LDLRAD4: variants seen among roughly 807,000 people sequenced by gnomAD.
LDLRAD4 encodes low-density lipoprotein receptor class A domain-containing protein 4.
A neutral mutation model predicts 17.0 loss-of-function variants in LDLRAD4; 5 were observed. That is an observed-to-expected ratio of 0.29 (90% CI 0.15 to 0.62). The LOEUF (loss-of-function observed/expected upper bound fraction) is 0.62. Ranked by LOEUF, LDLRAD4 falls within the 20% of genes least tolerant of loss-of-function variation. The pLI, the probability that LDLRAD4 is intolerant of heterozygous loss-of-function variation, is 0.84. For missense variants in LDLRAD4, 340 were observed against 424.7 expected (o/e 0.80, Z 1.75); for synonymous variants, 168 against 171.8 (o/e 0.98, Z 0.17).
intron 3 of LDLRAD4, among the ~76,000 whole-genome samples, chr18:13,594,948 T>G (rs559768247): frequency 6.6e-6 from 1 of 152,262 alleles, no homozygotes; most frequent in Admixed American, 6.5e-5. Context: ...TTGTTATTTC[T>G]TCTTGATTTA....
chr18:13,240,916 TTTTTCTTTTC>T (rs796209182), intron 1 of LDLRAD4: 3 of 152,582 alleles, frequency 2.0e-5, no homozygotes, highest in Non-Finnish European at 4.4e-5. Flanking sequence ...GCGGGCTTTT[TTTTTCTTTTC>T]TTTTCTTTTC....
At chr18:13,333,065 C>G (rs1197306424) in intron 1 of LDLRAD4, among the ~76,000 whole-genome samples, 1 of 152,136 alleles carries the variant, frequency 6.6e-6, no homozygotes, top group Non-Finnish European at 1.5e-5. Flanking sequence ...GCCCTACATC[C>G]TTGCCAGCTT....
intron 2 of LDLRAD4, among the ~76,000 whole-genome samples, chr18:13,428,421 C>G (rs1242152634): frequency 6.6e-6 from 1 of 152,046 alleles, no homozygotes; most frequent in Non-Finnish European, 1.5e-5. Context: ...CTCGGGAGGG[C>G]AAGGGGAGGC....
At chr18:13,453,033 T>C (rs984461068) in intron 3 of LDLRAD4, among the ~76,000 whole-genome samples, 3 of 152,166 alleles carry the variant, frequency 2.0e-5, no homozygotes, top group African/African-American at 7.2e-5. Context: ...CTGCTCAGCA[T>C]GGGGAGCACC....
chr18:13,327,054 A>G (rs1192953475), intron 1 of LDLRAD4, among the ~76,000 whole-genome samples: 1 of 150,798 alleles, frequency 6.6e-6, no homozygotes, highest in Non-Finnish European at 1.5e-5. Context: ...TGCTTTGGGA[A>G]CCCTCCTCTT....
chr18:13,364,065 A>G (rs1044768904), intron 1 of LDLRAD4, among the ~76,000 whole-genome samples: 13 of 152,220 alleles, frequency 8.5e-5, no homozygotes, highest in African/African-American at 2.9e-4. Flanking sequence ...AAGAATAAAT[A>G]TAATTAGCAT....
chr18:13,602,594 G>A (rs2095177339), intron 3 of LDLRAD4, among the ~76,000 whole-genome samples: 1 of 147,892 alleles, frequency 6.8e-6, no homozygotes, highest in African/African-American at 2.5e-5. Flanking sequence ...CGCCTCCCGG[G>A]TTCAAGGAAT....
At chr18:13,598,244 A>G (rs955512735) in intron 3 of LDLRAD4, among the ~76,000 whole-genome samples, 2 of 152,170 alleles carry the variant, frequency 1.3e-5, no homozygotes, top group Non-Finnish European at 1.5e-5. Flanking sequence ...TTTCCTTGCA[A>G]TGTGAAGCCT....
intron 1 of LDLRAD4, among the ~76,000 whole-genome samples, chr18:13,310,423 T>A (rs2146719917): frequency 6.6e-6 from 1 of 151,998 alleles, no homozygotes; most frequent in East Asian, 1.9e-4. Flanking sequence ...TAGGACCATG[T>A]GTAGCATGGT....
At position 13,231,180 on chromosome 18, in the gene LDLRAD4, A is replaced by G. The variant is rs1331549013; in HGVS notation, c.-467+12192A>G. Among the ~76,000 whole-genome samples, 3 of 152,204 alleles carry G rather than the reference A, an allele frequency of 2.0e-5. 1 individual carries two copies. The highest frequency in any genetic ancestry group is 2.9e-5 in the Non-Finnish European group (2 of 68,014). On this transcript the variant is annotated intron_variant, in intron 1 of 5. Transcript: ENST00000399848. ...CGAGTTCAGAGGCGTATAGATGTCT[A>G]TGGGTGAGGCAAAAGGCAGGTGGTA...
chr18:13,633,446 C>T (rs541240537), intron 4 of LDLRAD4, among the ~76,000 whole-genome samples: 22 of 152,318 alleles, frequency 1.4e-4, no homozygotes, highest in Admixed American at 1.0e-3. Flanking sequence ...GTCATGTACA[C>T]GGTGCCCAGG....
intron 2 of LDLRAD4, among the ~76,000 whole-genome samples, chr18:13,402,744 C>T (rs1037708325): frequency 1.3e-5 from 2 of 152,146 alleles, no homozygotes; most frequent in Admixed American, 1.3e-4. Flanking sequence ...CATTCAAATT[C>T]CAAATTGCGA....
chr18:13,648,509 T>C (rs923610129), exon 6 of LDLRAD4: 1 of 152,226 alleles, frequency 6.6e-6, no homozygotes, highest in African/African-American at 2.4e-5. Context: ...GATCAGTAGC[T>C]CTTTTGAAGG....
intron 1 of LDLRAD4, among the ~76,000 whole-genome samples, chr18:13,364,351 T>A (rs909441406): frequency 1.3e-5 from 2 of 152,136 alleles, no homozygotes; most frequent in African/African-American, 4.8e-5. Flanking sequence ...GATTTTTTTT[T>A]AAAAGAGACA....
At chr18:13,450,840 C>T (rs1057505269) in intron 3 of LDLRAD4, among the ~76,000 whole-genome samples, 27 of 152,248 alleles carry the variant, frequency 1.8e-4, no homozygotes, top group African/African-American at 6.0e-4. Flanking sequence ...GGGGAGACGC[C>T]TGGGCAGGGA....
intron 1 of LDLRAD4, among the ~76,000 whole-genome samples, chr18:13,344,264 G>A (rs1047446154): frequency 1.3e-5 from 2 of 152,168 alleles, no homozygotes; most frequent in African/African-American, 4.8e-5. Context: ...TTTGTATAAG[G>A]TGTAAGGAAG....
At chr18:13,499,026 TGC>T (rs2093553850) in intron 3 of LDLRAD4, among the ~76,000 whole-genome samples, 5 of 85,260 alleles carry the variant, frequency 5.9e-5, no homozygotes, top group South Asian at 4.4e-4. Flanking sequence ...GAATCCTTCT[TGC>T]CACACACGTC....
chr18:13,581,883 G>C (rs1248272883), intron 3 of LDLRAD4, among the ~76,000 whole-genome samples: 1 of 152,164 alleles, frequency 6.6e-6, no homozygotes, highest in Non-Finnish European at 1.5e-5. Context: ...ACACACGTAT[G>C]TGTGTGCATG....
Position 13,476,952 on chromosome 18 carries a change from C to A in LDLRAD4, c.181+38568C>A, listed in dbSNP as rs531662507. Among the ~76,000 whole-genome samples, 35 of 152,232 alleles carry A rather than the reference C, an allele frequency of 2.3e-4. No homozygotes were observed. In the South Asian group the frequency reaches 7.3e-3, roughly 32 times the overall value. ...ACTATGCCTTTTATCTGAAAAAGTT[C>A]TCTAATTATATTTTTCTTATCCTTT... On this transcript the variant is annotated intron_variant, in intron 3 of 5. Transcript: ENST00000359446.
Sources: gnomAD v4.1 joint callset for allele counts (sites outside exome capture counted in the v4.1 genomes callset) on GRCh38, gnomAD v4.1.1 for gene constraint, MANE v1.5 for transcripts, NCBI Gene and HGNC (gene_info 2026-07-23, HGNC 2026-07-21) for gene names.